GALNTL5: variants seen among roughly 807,000 people sequenced by gnomAD.
GALNTL5 encodes inactive polypeptide N-acetylgalactosaminyltransferase-like protein 5.
GALNTL5 carries 44 observed loss-of-function variants against 51.0 expected under a neutral mutation model. That is an observed-to-expected ratio of 0.86 (90% CI 0.68 to 1.11). The LOEUF (loss-of-function observed/expected upper bound fraction) is 1.11. Ranked by LOEUF, GALNTL5 falls within the 50% of genes least tolerant of loss-of-function variation. The probability of loss-of-function intolerance (pLI) is 0.00; values close to 1 mark genes in which losing one functional copy is unlikely to be tolerated. For missense variants in GALNTL5, 528 were observed against 531.8 expected (o/e 0.99, Z 0.07); for synonymous variants, 192 against 182.8 (o/e 1.05, Z -0.41).
At chr7:152,014,543 C>T (rs2081780383) in intron 7 of GALNTL5, 101 bp from the exon 8 acceptor site, 1 of 1,172,938 alleles carries the variant, frequency 8.5e-7, no homozygotes, top group Non-Finnish European at 1.2e-6. Context: ...GCTGGGATTA[C>T]AGGCATGAGC....
chr7:152,008,746 G>C (rs2081687278), intron 7 of GALNTL5, among the ~76,000 whole-genome samples: 1 of 151,802 alleles, frequency 6.6e-6, no homozygotes, highest in African/African-American at 2.4e-5. Context: ...TTGTTTGTTT[G>C]TTTGCTTGCT....
In GALNTL5 at chr7:152,017,481, A is replaced by C. The variant is rs556715023; in HGVS notation, c.1177-2165A>C. On this transcript the variant is annotated intron_variant, in intron 8 of 8. Transcript: ENST00000392800. ...ATTTCAGAGATGTAATGGTGAATGA[A>C]AGCAGCCAAACACAACGGAACTTAT... is the stretch of plus-strand genomic sequence containing the variant. Among the ~76,000 whole-genome samples the C allele has an allele frequency of 9.2e-5, 14 of 152,332 alleles. No homozygotes were observed. The South Asian group carries it at 2.9e-3, about 32-fold the overall frequency.
intron 7 of GALNTL5, among the ~76,000 whole-genome samples, chr7:152,012,235 C>T (rs544169174): frequency 1.3e-5 from 2 of 152,294 alleles, no homozygotes; most frequent in East Asian, 3.9e-4. Flanking sequence ...AGATGAGGGA[C>T]AAGGACTGAG....
At chr7:151,981,670 CTTCT>C (rs771277278) in intron 3 of GALNTL5, among the ~76,000 whole-genome samples, 19,113 of 125,980 alleles carry the variant, frequency 0.15, 1,987 homozygotes, top group African/African-American at 0.21. Context: ...CCCTCCCCCT[CTTCT>C]TTCTTTCTTT....
At chr7:151,980,035 A>G (rs1254497559) in intron 3 of GALNTL5, among the ~76,000 whole-genome samples, 1 of 151,576 alleles carries the variant, frequency 6.6e-6, no homozygotes, top group East Asian at 1.9e-4. Context: ...TCAGTCTAGT[A>G]TCATATTTTC....
chr7:151,966,023 G>GT (rs1423017888), intron 1 of GALNTL5, among the ~76,000 whole-genome samples: 3 of 151,954 alleles, frequency 2.0e-5, no homozygotes, highest in South Asian at 2.1e-4. Flanking sequence ...CACATGCATG[G>GT]TTTTTTTCCC....
intron 1 of GALNTL5, among the ~76,000 whole-genome samples, chr7:151,963,315 G>T (rs571129702): frequency 1.3e-5 from 2 of 152,188 alleles, no homozygotes; most frequent in Admixed American, 6.5e-5. Context: ...AACACCACAG[G>T]TCTCAACTTT....
chr7:152,012,844 G>A (rs1446477543), intron 7 of GALNTL5, among the ~76,000 whole-genome samples: 2 of 152,230 alleles, frequency 1.3e-5, no homozygotes, highest in East Asian at 3.9e-4. Context: ...GTGTGTACCT[G>A]TAATCCCAGC....
At chr7:152,000,405 A>G (rs566031286) in intron 5 of GALNTL5, among the ~76,000 whole-genome samples, 45 of 152,340 alleles carry the variant, frequency 3.0e-4, no homozygotes, top group Non-Finnish European at 5.7e-4. Context: ...ACCAGGGATG[A>G]GAAGGGAGGT....
intron 3 of GALNTL5, among the ~76,000 whole-genome samples, chr7:151,979,630 G>T (rs4726125): frequency 0.41 from 62,597 of 151,084 alleles, 13,157 homozygotes; most frequent in Middle Eastern, 0.51. Flanking sequence ...TAATTTTTTG[G>T]ATTTTTAGTA....
chr7:151,982,112 A>C (rs538320767), intron 3 of GALNTL5, among the ~76,000 whole-genome samples: 44 of 152,240 alleles, frequency 2.9e-4, no homozygotes, highest in African/African-American at 8.9e-4. Flanking sequence ...CACACACACA[A>C]AAAAATAAAG....
chr7:151,970,360 G>A (rs4726119), intron 2 of GALNTL5, among the ~76,000 whole-genome samples: 56,542 of 151,992 alleles, frequency 0.37, 11,269 homozygotes, highest in Middle Eastern at 0.49. Flanking sequence ...AACACCATTT[G>A]TTGATAAACT....
intron 3 of GALNTL5, among the ~76,000 whole-genome samples, chr7:151,977,999 A>G (rs2081229198): frequency 1.3e-5 from 2 of 152,008 alleles, no homozygotes; most frequent in Admixed American, 1.3e-4. Context: ...GATTATACTT[A>G]CTAATTTTAC....
At chr7:152,015,861 A>C (rs2081806672) in intron 8 of GALNTL5, among the ~76,000 whole-genome samples, 1 of 152,194 alleles carries the variant, frequency 6.6e-6, no homozygotes. Flanking sequence ...GTGCATGTCC[A>C]TCCAGAAGCT....
At chr7:152,008,085 G>A (rs1285996061) in intron 7 of GALNTL5, 141 bp downstream of exon 7, 7 of 585,430 alleles carry the variant, frequency 1.2e-5, no homozygotes. Context: ...ACAATTTATG[G>A]GGCTCCTTGT....
At chr7:151,988,078 A>G (rs1016724287) in intron 5 of GALNTL5, among the ~76,000 whole-genome samples, 1 of 152,214 alleles carries the variant, frequency 6.6e-6, no homozygotes, top group Non-Finnish European at 1.5e-5. Context: ...ACATCCGAGC[A>G]GCACACTCCC....
At position 151,987,104 on chromosome 7, in the gene GALNTL5, T is replaced by C; in HGVS notation, c.536-55T>C. ...AATACGTCATAATGATGATACACTG[T>C]TTCAATTTCTATAGTTGCCGTTTAT... On this transcript the variant is annotated intron_variant, in intron 4 of 8. Coordinates refer to ENST00000392800, the MANE Select transcript of GALNTL5 (RefSeq NM_145292.4). 2.1e-6 allele frequency: 3 copies of C among 1,440,656 alleles called. No individual in the cohort carries two copies. The South Asian group carries it at 4.0e-5, about 19-fold the overall frequency. 89.2% of individuals were successfully genotyped at this position (1,440,656 alleles called of 1,614,324 possible).
At chr7:151,983,333 A>C (rs1466455364) in intron 4 of GALNTL5, among the ~76,000 whole-genome samples, 181 bp downstream of exon 4, 1 of 151,982 alleles carries the variant, frequency 6.6e-6, no homozygotes, top group African/African-American at 2.4e-5. Context: ...GCATGCCACC[A>C]CGCCCGGCTA....
chr7:151,975,789 T>TAA (rs2081197856), intron 3 of GALNTL5, among the ~76,000 whole-genome samples: 1 of 152,178 alleles, frequency 6.6e-6, no homozygotes, highest in East Asian at 1.9e-4. Flanking sequence ...ATATTTTTAA[T>TAA]TTTCATTTTA....
Sources: gnomAD v4.1 joint callset for allele counts (sites outside exome capture counted in the v4.1 genomes callset) on GRCh38, gnomAD v4.1.1 for gene constraint, MANE v1.5 for transcripts, NCBI Gene and HGNC (gene_info 2026-07-23, HGNC 2026-07-21) for gene names.